The following THSD7B variants were observed in gnomAD, a reference collection of about 807,000 sequenced individuals.
THSD7B encodes thrombospondin type 1 domain containing 7B, also known as thrombospondin type-1 domain-containing protein 7B.
THSD7B carries 138 observed loss-of-function variants against 213.6 expected under a neutral mutation model. The observed-to-expected ratio is 0.65, with a 90% CI of 0.56 to 0.74. The LOEUF (loss-of-function observed/expected upper bound fraction) is 0.74. THSD7B is among the 30% of genes least tolerant of loss of function. The probability of loss-of-function intolerance (pLI) is 0.00; values close to 1 mark genes in which losing one functional copy is unlikely to be tolerated. For missense variants in THSD7B, 1,931 were observed against 1,991.5 expected, an observed-to-expected ratio of 0.97 and a Z score of 0.58; for synonymous variants, 742 against 687.0, an observed-to-expected ratio of 1.08 and a Z score of -1.25.
At chr2:137,373,418 T>C (rs1267227975) in intron 12 of THSD7B, among the ~76,000 whole-genome samples, 2 of 152,208 alleles carry the variant, frequency 1.3e-5, no homozygotes, top group Non-Finnish European at 2.9e-5. Flanking sequence ...TATCTCATTG[T>C]GGTTTTGATT....
At chr2:137,571,819 T>A (rs1240195762) in intron 16 of THSD7B, among the ~76,000 whole-genome samples, 2 of 150,768 alleles carry the variant, frequency 1.3e-5, no homozygotes, top group Non-Finnish European at 3.0e-5. Context: ...TTGCCCTTTG[T>A]TTTTTTTTGA....
At chr2:137,220,771 C>T (rs1681349663) in intron 7 of THSD7B, among the ~76,000 whole-genome samples, 1 of 143,988 alleles carries the variant, frequency 6.9e-6, no homozygotes, top group Admixed American at 7.0e-5. Context: ...TGGAAACAAC[C>T]CAAAAGTCTT....
chr2:136,807,508 C>CTTTTTTTTTTTTTTTTT (rs1314267493), intron 1 of THSD7B, among the ~76,000 whole-genome samples: 1 of 49,580 alleles, frequency 2.0e-5, no homozygotes, highest in African/African-American at 8.4e-5. Flanking sequence ...CAAAATGTTT[C>CTTTTTTTTTTTTTTTTT]GTTTTTTTTT....
At chr2:137,613,253 T>C (rs1682320835) in intron 17 of THSD7B, among the ~76,000 whole-genome samples, 1 of 152,178 alleles carries the variant, frequency 6.6e-6, no homozygotes, top group African/African-American at 2.4e-5. Flanking sequence ...TGCATCTGCA[T>C]GGTGAGGTTT....
chr2:137,130,500 G>A (rs1311281424), intron 5 of THSD7B, among the ~76,000 whole-genome samples: 1 of 150,682 alleles, frequency 6.6e-6, no homozygotes, highest in Non-Finnish European at 1.5e-5. Flanking sequence ...TTAGCATTAG[G>A]TATATCTCCT....
chr2:137,196,282 G>C lies in THSD7B; in HGVS notation c.1723+25344G>C, dbSNP rs76220711. ...AGAGGGCCCACTTCTTGGTCCTTCA[G>C]CTGCTTCTGATGTTTCTTCTAAGCT... On this transcript the variant is annotated intron_variant, in intron 7 of 27. Transcript: ENST00000409968. 5.6e-3 allele frequency among the ~76,000 whole-genome samples: 846 copies of C among 151,932 alleles called. 6 individuals are homozygous for C. The highest frequency in any genetic ancestry group is 0.02 in the African/African-American group (814 of 41,404).
intron 14 of THSD7B, among the ~76,000 whole-genome samples, chr2:137,449,993 G>A (rs905643487): frequency 6.6e-6 from 1 of 152,096 alleles, no homozygotes. Flanking sequence ...AGATGATGTT[G>A]CAGTTAATCG....
At chr2:137,097,479 C>A (rs1688060251) in intron 4 of THSD7B, among the ~76,000 whole-genome samples, 1 of 152,050 alleles carries the variant, frequency 6.6e-6, no homozygotes, top group Admixed American at 6.6e-5. Flanking sequence ...CAAATTTACT[C>A]AACTCTGAAG....
chr2:137,657,974 G>A (rs1683270999), intron 24 of THSD7B, among the ~76,000 whole-genome samples: 1 of 152,076 alleles, frequency 6.6e-6, no homozygotes, highest in African/African-American at 2.4e-5. Flanking sequence ...GCCTCCCAAA[G>A]TGCTGGGATT....
intron 2 of THSD7B, among the ~76,000 whole-genome samples, chr2:136,971,338 T>C (rs1462144171): frequency 6.6e-6 from 1 of 152,090 alleles, no homozygotes; most frequent in Non-Finnish European, 1.5e-5. Context: ...GGCATAATCA[T>C]TGATAACACA....
At chr2:137,365,657 TC>T (rs1262860112) in intron 12 of THSD7B, among the ~76,000 whole-genome samples, 1 of 152,148 alleles carries the variant, frequency 6.6e-6, no homozygotes, top group Non-Finnish European at 1.5e-5. Context: ...TCATCACTGG[TC>T]ATCAGAGAAA....
chr2:136,895,171 T>C (rs1010337270), intron 2 of THSD7B, among the ~76,000 whole-genome samples: 1 of 152,192 alleles, frequency 6.6e-6, no homozygotes, highest in Admixed American at 6.6e-5. Context: ...TGGCACCTTC[T>C]CTTTTGTTTC....
chr2:137,499,080 C>A (rs548065166), intron 15 of THSD7B, among the ~76,000 whole-genome samples: 1 of 152,104 alleles, frequency 6.6e-6, no homozygotes, highest in African/African-American at 2.4e-5. Flanking sequence ...TCAGAACCAC[C>A]GGAAAACTCA....
chr2:137,018,928 T>A (rs930757814), intron 2 of THSD7B, among the ~76,000 whole-genome samples: 18 of 152,310 alleles, frequency 1.2e-4, no homozygotes, highest in African/African-American at 4.3e-4. Context: ...TTTGTTTGTT[T>A]GTTTTTACTG....
intron 12 of THSD7B, among the ~76,000 whole-genome samples, chr2:137,341,762 A>C (rs2104907911): frequency 6.6e-6 from 1 of 151,774 alleles, no homozygotes; most frequent in Middle Eastern, 3.4e-3. Context: ...CTTTTATAAA[A>C]AATCAATTGA....
intron 15 of THSD7B, among the ~76,000 whole-genome samples, chr2:137,534,375 A>C (rs1680462424): frequency 6.6e-6 from 1 of 151,702 alleles, no homozygotes; most frequent in Non-Finnish European, 1.5e-5. Flanking sequence ...ACCAACCATA[A>C]GTTGCACTCA....
At position 137,642,460 on chromosome 2, in the gene THSD7B, A is replaced by C. The variant is rs753007484; in HGVS notation, c.3800-28A>C. 4 of 1,611,392 alleles carry C rather than the reference A, an allele frequency of 2.5e-6. No individual in the cohort carries two copies. The South Asian group carries it at 4.4e-5, about 18-fold the overall frequency. ...TCCCTTTCCAAGCCAAACTAACTGA[A>C]AAGCTGACACCTCCCTTATCATTTT... On this transcript the variant is annotated intron_variant, in intron 20 of 27. Transcript: ENST00000409968.
chr2:137,478,709 T>C (rs1425534475), intron 15 of THSD7B, among the ~76,000 whole-genome samples: 2 of 152,244 alleles, frequency 1.3e-5, no homozygotes, highest in Non-Finnish European at 2.9e-5. Context: ...TTTTGAATTC[T>C]CTTTAATAGG....
chr2:137,226,691 T>C (rs4954486), intron 7 of THSD7B, among the ~76,000 whole-genome samples: 66,190 of 151,298 alleles, frequency 0.44, 15,429 homozygotes, highest in African/African-American at 0.54. Flanking sequence ...GAATCACCAG[T>C]GAGCAAAATT....
Sources: gnomAD v4.1 joint callset for allele counts (sites outside exome capture counted in the v4.1 genomes callset) on GRCh38, gnomAD v4.1.1 for gene constraint, MANE v1.5 for transcripts, NCBI Gene and HGNC (gene_info 2026-07-23, HGNC 2026-07-21) for gene names.